GRIK4: variants seen among roughly 807,000 people sequenced by gnomAD.
GRIK4 encodes the protein glutamate receptor ionotropic, kainate 4.
In GRIK4, 40 loss-of-function variants were observed where a neutral mutation model predicts 104.9. The ratio of observed to expected loss-of-function variants is 0.38; its 90% CI spans 0.30 to 0.50. The LOEUF is 0.50. GRIK4 is among the 20% of genes least tolerant of loss of function. The probability of loss-of-function intolerance (pLI) is 0.93; values close to 1 mark genes in which losing one functional copy is unlikely to be tolerated. For missense variants in GRIK4, 1,047 were observed against 1,308.1 expected (o/e 0.80, Z 3.08); for synonymous variants, 485 against 524.9 (o/e 0.92, Z 1.04).
chr11:120,759,078 C>T (rs1177912928), intron 3 of GRIK4, among the ~76,000 whole-genome samples: 3 of 152,138 alleles, frequency 2.0e-5, no homozygotes, highest in Non-Finnish European at 4.4e-5. Context: ...GATATTACTT[C>T]GTCCAGGAGG....
At chr11:120,792,783 G>T (rs985185185) in intron 3 of GRIK4, among the ~76,000 whole-genome samples, 7 of 152,166 alleles carry the variant, frequency 4.6e-5, no homozygotes, top group African/African-American at 1.7e-4. Flanking sequence ...TCCTAAATTT[G>T]AGATGCTCTG....
chr11:120,858,796 C>G (rs1954187190), intron 8 of GRIK4: 1 of 152,106 alleles, frequency 6.6e-6, no homozygotes, highest in African/African-American at 2.4e-5. Context: ...CAATAGTCTT[C>G]AATAGCAGCA....
chr11:120,963,564 G>A (rs561558458), intron 18 of GRIK4, among the ~76,000 whole-genome samples: 3 of 152,340 alleles, frequency 2.0e-5, no homozygotes, highest in South Asian at 2.1e-4. Flanking sequence ...CTTGTACAAG[G>A]CAACAGGGGA....
intron 11 of GRIK4, among the ~76,000 whole-genome samples, chr11:120,891,808 T>C (rs1382846035): frequency 6.6e-6 from 1 of 152,184 alleles, no homozygotes; most frequent in Non-Finnish European, 1.5e-5. Context: ...AAGGAAAGGC[T>C]TCCTGGAGGA....
intron 11 of GRIK4, among the ~76,000 whole-genome samples, chr11:120,898,053 G>GTTCA (rs1214362697): frequency 6.6e-6 from 1 of 152,054 alleles, no homozygotes; most frequent in Admixed American, 6.5e-5. Context: ...ACCTGTTTAG[G>GTTCA]TTCATTCATT....
chr11:120,950,729 G>T (rs1319830201), intron 14 of GRIK4, among the ~76,000 whole-genome samples: 1 of 152,136 alleles, frequency 6.6e-6, no homozygotes, highest in Non-Finnish European at 1.5e-5. Context: ...TCTGCCTCTG[G>T]CTCTTAGGAT....
At chr11:120,780,955 G>A (rs1952144567) in intron 3 of GRIK4, among the ~76,000 whole-genome samples, 1 of 152,060 alleles carries the variant, frequency 6.6e-6, no homozygotes. Context: ...TGTTAGCCAG[G>A]ATGGTCTCGG....
rs531814731 is a variant in GRIK4 at position 120,700,885 on chromosome 11, A to G, written c.82+40485A>G. Among the ~76,000 whole-genome samples the G allele has an allele frequency of 1.1e-3, 166 of 152,270 alleles. 7 individuals are homozygous for G. In the South Asian group the frequency reaches 0.033, roughly 30 times the overall value. On this transcript the variant is annotated intron_variant, in intron 3 of 20. Transcript: ENST00000527524. ...TGGGATTACAGATGTGAGCCATCGCAGCCGGCCATATTACTGCATTTTTAC... is the reference window on the plus strand; with the variant it reads ...TGGGATTACAGATGTGAGCCATCGCGGCCGGCCATATTACTGCATTTTTAC...
At chr11:120,780,023 G>C (rs1227802683) in intron 3 of GRIK4, among the ~76,000 whole-genome samples, 2 of 152,160 alleles carry the variant, frequency 1.3e-5, no homozygotes, top group Admixed American at 6.5e-5. Flanking sequence ...AATTTTTCTG[G>C]ACTTCAGAAT....
chr11:120,531,560 T>A (rs899519111), intron 1 of GRIK4, among the ~76,000 whole-genome samples: 2 of 151,972 alleles, frequency 1.3e-5, no homozygotes, highest in South Asian at 2.1e-4. Flanking sequence ...AGCTGAACTC[T>A]GCCTGTTTCT....
intron 3 of GRIK4, among the ~76,000 whole-genome samples, chr11:120,764,154 T>C (rs1482508262): frequency 2.0e-5 from 3 of 152,232 alleles, no homozygotes; most frequent in Non-Finnish European, 4.4e-5. Flanking sequence ...TATATTTAGA[T>C]AGTTAGCTCT....
At chr11:120,809,915 A>G (rs1321614958) in intron 4 of GRIK4, among the ~76,000 whole-genome samples, 1 of 152,194 alleles carries the variant, frequency 6.6e-6, no homozygotes, top group Non-Finnish European at 1.5e-5. Context: ...AAAATAAAAA[A>G]TTAGCCAAGA....
intron 3 of GRIK4, among the ~76,000 whole-genome samples, chr11:120,774,049 A>G (rs141878598): frequency 0.017 from 2,587 of 152,348 alleles, 28 homozygotes; most frequent in Non-Finnish European, 0.028. Context: ...GAGTCAGCAG[A>G]AGCTACAAAC....
At chr11:120,949,113 G>A (rs1226047386) in intron 14 of GRIK4, among the ~76,000 whole-genome samples, 1 of 152,194 alleles carries the variant, frequency 6.6e-6, no homozygotes, top group Non-Finnish European at 1.5e-5. Context: ...ATTTCTTCCA[G>A]TATATATAGA....
At chr11:120,900,012 A>C (rs1022294736) in intron 12 of GRIK4, among the ~76,000 whole-genome samples, 1 of 152,216 alleles carries the variant, frequency 6.6e-6, no homozygotes, top group Admixed American at 6.5e-5. Context: ...CTGGGCTGAA[A>C]TGATTGATCT....
At chr11:120,586,243 C>T (rs1436028205) in intron 1 of GRIK4, among the ~76,000 whole-genome samples, 2 of 151,904 alleles carry the variant, frequency 1.3e-5, no homozygotes, top group Non-Finnish European at 2.9e-5. Context: ...GAGGAGTTTG[C>T]CAAGAGATAA....
At chr11:120,890,984 A>G (rs1390434759) in intron 11 of GRIK4, among the ~76,000 whole-genome samples, 1 of 152,252 alleles carries the variant, frequency 6.6e-6, no homozygotes, top group African/African-American at 2.4e-5. Flanking sequence ...TGCTGCGTGC[A>G]CACCCACAGA....
intron 3 of GRIK4, among the ~76,000 whole-genome samples, chr11:120,781,047 A>T (rs1308497643): frequency 6.6e-6 from 1 of 151,584 alleles, no homozygotes; most frequent in East Asian, 1.9e-4. Flanking sequence ...TGGCCACATT[A>T]TCCGTTTTTA....
rs918517798 is a variant in GRIK4 at position 120,831,915 on chromosome 11, G to A, written c.575G>A (p.Arg192His). ...FLISKDTLSV[R>H]MLDDTRDPTP... is the part of the protein sequence containing the mutation. ...ATCTCCAAGGACACGCTGTCCGTCC[G>A]CATGCTGGATGACACCCGGGACCCC... Residue 192 changes from arginine to histidine, a missense_variant, in exon 7 of 21, where the codon CGC becomes CAC. By Grantham distance (29) the Arg-to-His change is conservative. Around this residue, in one of 3 missense-constraint regions of GRIK4, gnomAD observed 447 missense variants for 514.9 expected, o/e 0.87. Coordinates refer to ENST00000527524, the MANE Select transcript of GRIK4 (RefSeq NM_014619.5). 5.0e-6 allele frequency: 8 copies of A among 1,613,768 alleles called. No individual in the cohort carries two copies. Among genetic ancestry groups the A allele is most frequent in the East Asian group, 2.2e-5 (1 of 44,858 alleles).
Sources: allele counts gnomAD v4.1 joint callset (sites outside exome capture counted in the v4.1 genomes callset), GRCh38; gene constraint gnomAD v4.1.1; regional missense constraint gnomAD v4.1.1; transcripts MANE v1.5; gene names NCBI Gene and HGNC (gene_info 2026-07-23, HGNC 2026-07-21).